FAF1: variants seen among roughly 807,000 people sequenced by gnomAD.
FAF1 encodes the protein FAS-associated factor 1.
Under a neutral mutation model 92.5 loss-of-function variants are expected in FAF1, and 25 were observed. The observed-to-expected ratio is 0.27, with a 90% CI of 0.20 to 0.38. FAF1 has a LOEUF of 0.38. Ranked by LOEUF, FAF1 falls within the 10% of genes least tolerant of loss-of-function variation. FAF1 has a pLI of 1.00. For missense variants in FAF1, 636 were observed against 793.3 expected, an observed-to-expected ratio of 0.80 and a Z score of 2.38; for synonymous variants, 234 against 273.2, an observed-to-expected ratio of 0.86 and a Z score of 1.42.
chr1:50,720,037 T>G (rs1029285124), intron 6 of FAF1, among the ~76,000 whole-genome samples: 3 of 151,998 alleles, frequency 2.0e-5, no homozygotes, highest in African/African-American at 7.3e-5. Context: ...AGTCTTGTTC[T>G]GCCACCTAGG....
At chr1:50,898,321 AAACAAC>A (rs753012294) in intron 1 of FAF1, among the ~76,000 whole-genome samples, 2 of 152,230 alleles carry the variant, frequency 1.3e-5, no homozygotes, top group South Asian at 4.1e-4. Context: ...ACCTCTTGAA[AAACAAC>A]AACAACAACA....
Position 50,712,519 on chromosome 1 carries a change from G to C in FAF1, c.552-6628C>G, listed in dbSNP as rs563029073. Among the ~76,000 whole-genome samples the C allele has an allele frequency of 7.9e-5, 12 of 152,256 alleles. No individual in the cohort carries two copies. The South Asian group carries it at 2.5e-3, about 32-fold the overall frequency. ...AAAAATACAAAAATGAGCCAGGCGT[G>C]GTGGCACACGCCTCTAATCCCAGCT... On this transcript the variant is annotated intron_variant, in intron 6 of 18. Coordinates refer to ENST00000396153, the MANE Select transcript of FAF1 (RefSeq NM_007051.3).
At chr1:50,818,794 G>A (rs1644002543) in intron 2 of FAF1, among the ~76,000 whole-genome samples, 1 of 151,468 alleles carries the variant, frequency 6.6e-6, no homozygotes, top group African/African-American at 2.4e-5. Context: ...CTGAGATCGC[G>A]CCACTGCACT....
intron 12 of FAF1, among the ~76,000 whole-genome samples, chr1:50,571,988 G>GC (rs1553228134): frequency 6.6e-6 from 1 of 152,140 alleles, no homozygotes; most frequent in Non-Finnish European, 1.5e-5. Flanking sequence ...GTAGTTCATA[G>GC]TTTTTTTCAG....
chr1:50,691,655 G>A (rs1386262995), intron 7 of FAF1, among the ~76,000 whole-genome samples: 1 of 151,528 alleles, frequency 6.6e-6, no homozygotes, highest in East Asian at 2.0e-4. Flanking sequence ...GCAATGGCGC[G>A]ATCTCGGCTT....
chr1:50,839,185 AG>A (rs1201618206), intron 2 of FAF1, among the ~76,000 whole-genome samples: 2 of 152,132 alleles, frequency 1.3e-5, no homozygotes, highest in African/African-American at 2.4e-5. Context: ...CAAGAAAAGC[AG>A]AAAAAAAAAG....
rs192891919 is a variant in FAF1 at position 50,957,037 on chromosome 1, A to G, written c.45+2730T>C. Among the ~76,000 whole-genome samples the G allele has an allele frequency of 4.9e-4, 74 of 152,308 alleles. 1 individual carries two copies. In the South Asian group the frequency reaches 5.6e-3, roughly 12 times the overall value. On this transcript the variant is annotated intron_variant, in intron 1 of 18. Transcript: ENST00000396153. ...TTTTAAGTCAATCCTATAAAAATTG[A>G]GATAATATAAAAAACAGGAAGAATC...
In FAF1 at chr1:50,692,241, C is replaced by G. The variant is rs1200714522; in HGVS notation, c.657+13545G>C. 5.4e-5 allele frequency among the ~76,000 whole-genome samples: 7 copies of G among 129,082 alleles called. No homozygotes were observed. The South Asian group carries it at 8.6e-4, about 16-fold the overall frequency. 84.7% of individuals were successfully genotyped at this position (129,082 alleles called of 152,430 possible). On this transcript the variant is annotated intron_variant, in intron 7 of 18. Transcript: ENST00000396153. Reference sequence around the variant, plus strand: ...ACATATCCAGCACTTGAAGTATTTACTGTGTGTGTGTGTGTGTGTGTGTGT... The same window carrying G: ...ACATATCCAGCACTTGAAGTATTTAGTGTGTGTGTGTGTGTGTGTGTGTGT...
intron 13 of FAF1, among the ~76,000 whole-genome samples, chr1:50,542,415 TA>T (rs939875936): frequency 2.0e-5 from 3 of 152,214 alleles, no homozygotes; most frequent in Non-Finnish European, 4.4e-5. Flanking sequence ...GGCTACCATT[TA>T]TAACACTACC....
intron 8 of FAF1, among the ~76,000 whole-genome samples, chr1:50,651,835 TA>T (rs1487573301): frequency 6.6e-6 from 1 of 152,158 alleles, no homozygotes; most frequent in Non-Finnish European, 1.5e-5. Context: ...GCAACAAATA[TA>T]GACTACAAGT....
intron 3 of FAF1, among the ~76,000 whole-genome samples, chr1:50,790,299 G>A (rs1309585073): frequency 4.6e-5 from 7 of 151,936 alleles, no homozygotes; most frequent in African/African-American, 1.2e-4. Context: ...GCGCCACCAC[G>A]CCTGGCTAAT....
chr1:50,842,302 A>G (rs951978353), intron 2 of FAF1, among the ~76,000 whole-genome samples: 2 of 152,054 alleles, frequency 1.3e-5, no homozygotes, highest in African/African-American at 4.8e-5. Flanking sequence ...TACCAAGAAA[A>G]AGAGTCAAGG....
At chr1:50,659,513 A>G (rs1305864777) in intron 7 of FAF1, among the ~76,000 whole-genome samples, 2 of 152,172 alleles carry the variant, frequency 1.3e-5, no homozygotes, top group African/African-American at 4.8e-5. Flanking sequence ...TTTCATCTTT[A>G]GAGTATGTTA....
intron 7 of FAF1, among the ~76,000 whole-genome samples, chr1:50,689,541 G>A (rs1231602708): frequency 2.0e-5 from 3 of 152,086 alleles, no homozygotes; most frequent in African/African-American, 4.8e-5. Context: ...CCGAGATTGC[G>A]CCACTGCACT....
intron 1 of FAF1, among the ~76,000 whole-genome samples, chr1:50,904,557 T>G (rs1431780238): frequency 6.6e-6 from 1 of 152,220 alleles, no homozygotes; most frequent in Admixed American, 6.5e-5. Flanking sequence ...TTTACTTTCC[T>G]AAAATCCTGT....
At chr1:50,787,243 T>G (rs543497168) in intron 4 of FAF1, among the ~76,000 whole-genome samples, 1 of 152,312 alleles carries the variant, frequency 6.6e-6, no homozygotes, top group African/African-American at 2.4e-5. Flanking sequence ...GATGGAAACA[T>G]GTCTCATGTC....
At chr1:50,763,391 C>T (rs921915527) in intron 4 of FAF1, among the ~76,000 whole-genome samples, 3 of 152,062 alleles carry the variant, frequency 2.0e-5, no homozygotes, top group South Asian at 4.1e-4. Context: ...TGCCTTGATG[C>T]GGTTTCCTCT....
chr1:50,661,371 C>G (rs1053885005), intron 7 of FAF1, among the ~76,000 whole-genome samples: 2 of 152,052 alleles, frequency 1.3e-5, no homozygotes, highest in African/African-American at 4.8e-5. Context: ...ATCTGGCCCA[C>G]GATTCTTCAC....
rs12067088 is a variant in FAF1 at position 50,761,779 on chromosome 1, A to T, written c.368-17004T>A. The stretch of plus-strand genomic sequence containing the variant: ...AAGCATTCCCTTTGAAAACTGGCAC[A>T]AGACAGGGATGCCCTCTCTCACCGC... On this transcript the variant is annotated intron_variant, in intron 4 of 18. Coordinates refer to ENST00000396153, the MANE Select transcript of FAF1 (RefSeq NM_007051.3). Among the ~76,000 whole-genome samples, 601 of 152,220 alleles carry T rather than the reference A, an allele frequency of 3.9e-3. 5 individuals carry two copies. The highest frequency in any genetic ancestry group is 0.013 in the African/African-American group (561 of 41,562).
Sources: allele counts gnomAD v4.1 joint callset (sites outside exome capture counted in the v4.1 genomes callset), GRCh38; gene constraint gnomAD v4.1.1; transcripts MANE v1.5; gene names NCBI Gene and HGNC (gene_info 2026-07-23, HGNC 2026-07-21).